Variants in KAT6B observed in about 807,000 individuals in gnomAD.
The protein encoded by KAT6B is lysine acetyltransferase 6B, also known as histone acetyltransferase KAT6B.
KAT6B carries 10 observed loss-of-function variants against 187.5 expected under a neutral mutation model. The observed-to-expected ratio is 0.05, with a 90% CI of 0.03 to 0.09. The LOEUF (loss-of-function observed/expected upper bound fraction) is 0.09, where lower values mean the gene tolerates loss of function less well. Ranked by LOEUF, KAT6B falls within the 10% of genes least tolerant of loss-of-function variation. The pLI is 1.00. For missense variants in KAT6B, 1,952 were observed against 2,558.9 expected (o/e 0.76, Z 5.12); for synonymous variants, 861 against 926.8 (o/e 0.93, Z 1.29).
At chr10:74,916,070 G>A (rs911028759) in intron 3 of KAT6B, among the ~76,000 whole-genome samples, 1 of 152,210 alleles carries the variant, frequency 6.6e-6, no homozygotes, top group African/African-American at 2.4e-5. Flanking sequence ...GGCTGAGGCA[G>A]GAGAATTGCT....
chr10:74,945,413 A>G (rs1228415210), intron 3 of KAT6B, among the ~76,000 whole-genome samples: 1 of 152,178 alleles, frequency 6.6e-6, no homozygotes, highest in African/African-American at 2.4e-5. Context: ...AGAGGGATTT[A>G]TGTCTTAATT....
At chr10:74,980,182 A>T (rs1427180202) in intron 10 of KAT6B, among the ~76,000 whole-genome samples, 1 of 152,142 alleles carries the variant, frequency 6.6e-6, no homozygotes, top group Non-Finnish European at 1.5e-5. Context: ...TAAAAAGGAG[A>T]AAATAATGGT....
intron 13 of KAT6B, among the ~76,000 whole-genome samples, chr10:75,006,213 A>G (rs887888359): frequency 6.6e-6 from 1 of 152,232 alleles, no homozygotes; most frequent in Non-Finnish European, 1.5e-5. Context: ...TTCTGACCAG[A>G]CAATAAATAT....
At chr10:74,837,933 G>A (rs1268168422) in intron 1 of KAT6B, among the ~76,000 whole-genome samples, 1 of 151,266 alleles carries the variant, frequency 6.6e-6, no homozygotes, top group East Asian at 1.9e-4. Flanking sequence ...TAACTCTGTT[G>A]GTTGGTGTCA....
At chr10:74,886,589 T>C (rs999991440) in intron 3 of KAT6B, among the ~76,000 whole-genome samples, 5 of 152,296 alleles carry the variant, frequency 3.3e-5, no homozygotes, top group Non-Finnish European at 4.4e-5. Flanking sequence ...GGACCCCACC[T>C]GAGCTTGGTG....
At chr10:74,905,304 G>A (rs1229267874) in intron 3 of KAT6B, among the ~76,000 whole-genome samples, 1 of 152,214 alleles carries the variant, frequency 6.6e-6, no homozygotes, top group African/African-American at 2.4e-5. Flanking sequence ...GTGTGGCAGA[G>A]TTAACCTGCC....
chr10:74,914,984 C>A (rs191858531), intron 3 of KAT6B, among the ~76,000 whole-genome samples: 17 of 152,068 alleles, frequency 1.1e-4, no homozygotes, highest in African/African-American at 3.9e-4. Flanking sequence ...CTTGTAGTCC[C>A]AGCTACTCGG....
chr10:74,962,163 A>G (rs1841143098), intron 4 of KAT6B, among the ~76,000 whole-genome samples: 1 of 152,244 alleles, frequency 6.6e-6, no homozygotes, highest in Non-Finnish European at 1.5e-5. Flanking sequence ...TTCCTAACGC[A>G]GGGAAATGCT....
chr10:74,984,871 C>A (rs186866852), intron 11 of KAT6B: 1 of 576,332 alleles, frequency 1.7e-6, no homozygotes, highest in African/African-American at 1.9e-5. Context: ...CTTAAATGTA[C>A]CCTAATTTAA....
chr10:74,842,003 T>A (rs1258298938), intron 2 of KAT6B, among the ~76,000 whole-genome samples: 1 of 152,200 alleles, frequency 6.6e-6, no homozygotes, highest in Non-Finnish European at 1.5e-5. Context: ...CTCTACTACT[T>A]AAAGGTGAAG....
At chr10:74,898,660 A>G (rs2132727205) in intron 3 of KAT6B, among the ~76,000 whole-genome samples, 1 of 152,328 alleles carries the variant, frequency 6.6e-6, no homozygotes, top group South Asian at 2.1e-4. Context: ...AGTCAGTGAC[A>G]GAGAAAGAAC....
intron 7 of KAT6B, among the ~76,000 whole-genome samples, chr10:74,973,989 G>C (rs1318640191): frequency 6.6e-6 from 1 of 152,152 alleles, no homozygotes; most frequent in African/African-American, 2.4e-5. Flanking sequence ...TTTGAGCTTA[G>C]GAATTTTTAA....
chr10:74,935,079 T>A (rs1310439521), intron 3 of KAT6B, among the ~76,000 whole-genome samples: 1 of 152,230 alleles, frequency 6.6e-6, no homozygotes, highest in Non-Finnish European at 1.5e-5. Flanking sequence ...ATTGAACAAT[T>A]TCTGTGCTGC....
chr10:74,870,548 T>G lies in KAT6B; in HGVS notation c.621+27070T>G, dbSNP rs762834413. 2.6e-5 allele frequency among the ~76,000 whole-genome samples: 4 copies of G among 152,352 alleles called. No homozygotes were observed. In the Middle Eastern group the frequency reaches 0.01, roughly 389 times the overall value. On this transcript the variant is annotated intron_variant, in intron 3 of 17. Transcript: ENST00000287239. ...GCATTTGATCTTTTCATTTTCATTT[T>G]GCTTGTTTAAATATAAATTGTCTAT... is the stretch of plus-strand genomic sequence containing the variant.
chr10:75,010,595 C>A (rs1459917721), intron 13 of KAT6B, among the ~76,000 whole-genome samples: 1 of 152,184 alleles, frequency 6.6e-6, no homozygotes, highest in Non-Finnish European at 1.5e-5. Flanking sequence ...ATACACACAG[C>A]ATTTTAGGGG....
chr10:74,973,403 T>C (rs746753698), intron 7 of KAT6B, among the ~76,000 whole-genome samples: 1 of 152,206 alleles, frequency 6.6e-6, no homozygotes, highest in Non-Finnish European at 1.5e-5. Flanking sequence ...TTAAGGTGTT[T>C]ACGAATGGGA....
At chr10:74,859,988 T>C (rs1397648317) in intron 3 of KAT6B, among the ~76,000 whole-genome samples, 2 of 152,238 alleles carry the variant, frequency 1.3e-5, no homozygotes, top group Non-Finnish European at 2.9e-5. Context: ...CTTCTAAAAA[T>C]TTTATAGCAG....
chr10:75,023,221 G>A (rs116514385), intron 16 of KAT6B, among the ~76,000 whole-genome samples: 1,941 of 152,320 alleles, frequency 0.013, 51 homozygotes, highest in African/African-American at 0.045. Context: ...ATAGAGGAGA[G>A]CCAAGACTGA....
At chr10:74,988,474 T>C (rs569693012) in intron 12 of KAT6B, among the ~76,000 whole-genome samples, 1 of 152,366 alleles carries the variant, frequency 6.6e-6, no homozygotes, top group Non-Finnish European at 1.5e-5. Context: ...TGCAGATTAT[T>C]TCTCTAGCTT....
Sources: gnomAD v4.1 joint callset for allele counts (sites outside exome capture counted in the v4.1 genomes callset) on GRCh38, gnomAD v4.1.1 for gene constraint, MANE v1.5 for transcripts, NCBI Gene and HGNC (gene_info 2026-07-23, HGNC 2026-07-21) for gene names.